The following GALNT7 variants were observed in gnomAD, a reference collection of about 807,000 sequenced individuals.
The protein encoded by GALNT7 is N-acetylgalactosaminyltransferase 7.
GALNT7 carries 60 observed loss-of-function variants against 82.1 expected under a neutral mutation model. The observed-to-expected ratio is 0.73, with a 90% CI of 0.59 to 0.91. GALNT7 has a LOEUF of 0.91. GALNT7 is among the 40% of genes least tolerant of loss of function. The probability of loss-of-function intolerance (pLI) is 0.00; values close to 1 mark genes in which losing one functional copy is unlikely to be tolerated. For synonymous variants in GALNT7, 243 were observed against 275.1 expected (o/e 0.88, Z 1.15); for missense variants, 660 against 804.2 (o/e 0.82, Z 2.17).
chr4:173,303,242 C>T (rs906550983), intron 7 of GALNT7, among the ~76,000 whole-genome samples: 1 of 151,058 alleles, frequency 6.6e-6, no homozygotes, highest in East Asian at 1.9e-4. Context: ...GCAGAATTTG[C>T]GGCAGAAGTA....
chr4:173,293,878 A>G (rs554840899), intron 3 of GALNT7, among the ~76,000 whole-genome samples: 1 of 152,332 alleles, frequency 6.6e-6, no homozygotes, highest in South Asian at 2.1e-4. Flanking sequence ...GAAGACACAC[A>G]CAACCAGCCT....
chr4:173,255,352 A>G (rs1188339545), intron 2 of GALNT7, among the ~76,000 whole-genome samples: 2 of 152,130 alleles, frequency 1.3e-5, no homozygotes, highest in South Asian at 2.1e-4. Flanking sequence ...AAGTTGCTCT[A>G]TTGACAGAGG....
chr4:173,178,050 T>TGCGCGCGCGCGCGC (rs539639870), intron 1 of GALNT7, among the ~76,000 whole-genome samples: 5 of 117,624 alleles, frequency 4.3e-5, no homozygotes, highest in African/African-American at 1.7e-4. Context: ...TGTGTGTGTG[T>TGCGCGCGCGCGCGC]GTGCGCGCAC....
At chr4:173,237,429 G>GGATA (rs1734270807) in intron 1 of GALNT7, among the ~76,000 whole-genome samples, 1 of 152,150 alleles carries the variant, frequency 6.6e-6, no homozygotes, top group African/African-American at 2.4e-5. Context: ...TCCCCTAGAG[G>GGATA]GATAATAGGA....
chr4:173,298,174 C>A lies in GALNT7; in HGVS notation c.1025C>A (p.Pro342His). The A allele has an allele frequency of 2.5e-6, 4 of 1,613,852 alleles. No homozygotes were observed. Among genetic ancestry groups the A allele is most frequent in the Non-Finnish European group, 2.5e-6 (3 of 1,179,834 alleles). The change falls in exon 6 of 12, where the codon CCC (proline) becomes CAC (histidine). Residue 342 changes from proline to histidine, a missense_variant. This residue lies in a region of GALNT7 where 527 missense variants were observed against 683.5 expected (regional missense o/e 0.77). Coordinates refer to ENST00000265000, the MANE Select transcript of GALNT7 (RefSeq NM_017423.3). ...AATGGCAACACATATGAAATTATAC[C>A]CCAAGGGGGTGGTGATGAAGATGGG... ...VINGNTYEIIPQGGGDEDGYA... is the reference protein window; with the variant it reads ...VINGNTYEIIHQGGGDEDGYA...
chr4:173,289,705 A>G (rs572163185), intron 2 of GALNT7, among the ~76,000 whole-genome samples: 1 of 152,304 alleles, frequency 6.6e-6, no homozygotes, highest in African/African-American at 2.4e-5. Context: ...ATGCCTGAAA[A>G]GGGGAGGAAA....
intron 1 of GALNT7, among the ~76,000 whole-genome samples, chr4:173,209,497 T>C (rs1030533879): frequency 1.3e-5 from 2 of 152,250 alleles, no homozygotes; most frequent in Admixed American, 6.5e-5. Flanking sequence ...TGTGAACATA[T>C]ACCTTCACTG....
chr4:173,299,030 T>C lies in GALNT7; in HGVS notation c.1148+733T>C, dbSNP rs569882992. 2.0e-5 allele frequency among the ~76,000 whole-genome samples: 3 copies of C among 152,326 alleles called. No homozygotes were observed. The South Asian group carries it at 6.2e-4, about 32-fold the overall frequency. On this transcript the variant is annotated intron_variant, in intron 6 of 11. Coordinates refer to ENST00000265000, the MANE Select transcript of GALNT7 (RefSeq NM_017423.3). Reference sequence around the variant, plus strand: ...TGTCTCTGTAAAAAGTGACCCCAAATGAAATGTTTGCTCAAGTGTTAGTAT... The same window carrying C: ...TGTCTCTGTAAAAAGTGACCCCAAACGAAATGTTTGCTCAAGTGTTAGTAT...
chr4:173,248,916 G>T (rs1010457703), intron 2 of GALNT7, among the ~76,000 whole-genome samples: 7 of 98,184 alleles, frequency 7.1e-5, no homozygotes, highest in Non-Finnish European at 1.4e-4. Context: ...TCATTAACTA[G>T]ATTTATGTTT....
At chr4:173,266,367 G>A (rs1735491777) in intron 2 of GALNT7, among the ~76,000 whole-genome samples, 1 of 152,206 alleles carries the variant, frequency 6.6e-6, no homozygotes, top group Admixed American at 6.5e-5. Context: ...GGAATCCCAA[G>A]TATAAACAGT....
At chr4:173,304,528 A>G (rs1367595658) in intron 8 of GALNT7, among the ~76,000 whole-genome samples, 5 of 152,052 alleles carry the variant, frequency 3.3e-5, no homozygotes, top group Non-Finnish European at 5.9e-5. Context: ...TTGGACATGT[A>G]TTACGTCACC....
chr4:173,203,909 TG>T (rs992411429), intron 1 of GALNT7, among the ~76,000 whole-genome samples: 3 of 152,254 alleles, frequency 2.0e-5, no homozygotes, highest in African/African-American at 7.2e-5. Flanking sequence ...AATTTGACTG[TG>T]TACTTTTACC....
chr4:173,269,156 G>A (rs1448784246), intron 2 of GALNT7, among the ~76,000 whole-genome samples: 1 of 152,094 alleles, frequency 6.6e-6, no homozygotes, highest in Non-Finnish European at 1.5e-5. Flanking sequence ...GACAACAGAG[G>A]CACAGAACAA....
intron 1 of GALNT7, among the ~76,000 whole-genome samples, chr4:173,171,658 C>T (rs1170490415): frequency 6.6e-6 from 1 of 152,216 alleles, no homozygotes; most frequent in Non-Finnish European, 1.5e-5. Flanking sequence ...GCCTCTTGCC[C>T]TTTCTCTGAA....
At chr4:173,206,681 G>A (rs1733109566) in intron 1 of GALNT7, among the ~76,000 whole-genome samples, 1 of 152,152 alleles carries the variant, frequency 6.6e-6, no homozygotes, top group Non-Finnish European at 1.5e-5. Flanking sequence ...TCTAAGAAAT[G>A]GGAGGTAGAA....
In GALNT7 at chr4:173,295,497, A is replaced by G. The variant is rs750953961; in HGVS notation, c.856A>G (p.Ile286Val). The G allele has an allele frequency of 2.5e-5, 40 of 1,612,956 alleles. No homozygotes were observed. The South Asian group carries it at 4.1e-4, about 16-fold the overall frequency. The part of the protein sequence containing the change: ...RREGLIQARS[I>V]GAQKAKLGQV... Reference sequence around the variant, plus strand: ...GGAAGGTTTAATTCAAGCACGAAGTATTGGTGCTCAGAAGGCTAAACTTGG... The same window carrying G: ...GGAAGGTTTAATTCAAGCACGAAGTGTTGGTGCTCAGAAGGCTAAACTTGG... Residue 286 changes from isoleucine to valine, a missense_variant, in exon 4 of 12, where the codon ATT becomes GTT. Around this residue, in one of 2 missense-constraint regions of GALNT7, gnomAD observed 527 missense variants for 683.5 expected, o/e 0.77. Transcript: ENST00000265000.
Position 173,248,111 on chromosome 4 carries a change from A to G in GALNT7, c.258A>G (p.Arg86=). The G allele has an allele frequency of 6.2e-7, 1 of 1,613,788 alleles. No homozygotes were observed. The highest frequency in any genetic ancestry group is 8.5e-7 in the Non-Finnish European group (1 of 1,179,774). The change falls in exon 2 of 12, where the codon AGA becomes AGG. Residue 86 remains arginine, a synonymous_variant. Coordinates refer to ENST00000265000, the MANE Select transcript of GALNT7 (RefSeq NM_017423.3). ...EGVEVDLESI[R]RINKAKNEQE... ...TAGAAGTGGACTTAGAGTCTATTAGAAGAATAAACAAGGCCAAAAATGAAC... is the reference window on the plus strand; with the variant it reads ...TAGAAGTGGACTTAGAGTCTATTAGGAGAATAAACAAGGCCAAAAATGAAC...
At chr4:173,273,353 A>G (rs149912125) in intron 2 of GALNT7, among the ~76,000 whole-genome samples, 3 of 152,310 alleles carry the variant, frequency 2.0e-5, no homozygotes, top group Admixed American at 2.0e-4. Flanking sequence ...CCTTGGTACA[A>G]TGCCATTGGT....
intron 1 of GALNT7, among the ~76,000 whole-genome samples, chr4:173,172,670 C>T (rs1469959509): frequency 2.6e-5 from 4 of 152,112 alleles, no homozygotes; most frequent in Non-Finnish European, 5.9e-5. Flanking sequence ...GAAATCTGAA[C>T]ATTTCAAGAA....
Sources: gnomAD v4.1 joint callset for allele counts (sites outside exome capture counted in the v4.1 genomes callset) on GRCh38, gnomAD v4.1.1 for gene constraint, gnomAD v4.1.1 regional missense constraint, MANE v1.5 for transcripts, NCBI Gene and HGNC (gene_info 2026-07-23, HGNC 2026-07-21) for gene names.